The following GC variants were observed in gnomAD, a reference collection of about 807,000 sequenced individuals.
The protein encoded by GC is vitamin D-binding protein.
Under a neutral mutation model 56.7 loss-of-function variants are expected in GC, and 43 were observed. That is an observed-to-expected ratio of 0.76 (90% CI 0.59 to 0.98). The LOEUF is 0.98. GC is among the 50% of genes least tolerant of loss of function. The pLI, the probability that GC is intolerant of heterozygous loss-of-function variation, is 0.00. For missense variants in GC, 529 were observed against 545.9 expected (o/e 0.97, Z 0.31); for synonymous variants, 216 against 202.7 (o/e 1.07, Z -0.56).
chr4:71,751,804 G>C (rs1041730208), intron 11 of GC, among the ~76,000 whole-genome samples: 7 of 151,988 alleles, frequency 4.6e-5, no homozygotes, highest in Non-Finnish European at 8.8e-5. Flanking sequence ...TCAGAGTTTG[G>C]AGACAATTGA....
At chr4:71,793,074 T>C (rs930259882) in intron 1 of GC, among the ~76,000 whole-genome samples, 2 of 152,188 alleles carry the variant, frequency 1.3e-5, no homozygotes, top group Non-Finnish European at 2.9e-5. Context: ...CCTTGTAGCA[T>C]AGTTTGAAGT....
At chr4:71,775,583 T>C (rs2149304317) in intron 1 of GC, among the ~76,000 whole-genome samples, 1 of 152,004 alleles carries the variant, frequency 6.6e-6, no homozygotes, top group Non-Finnish European at 1.5e-5. Context: ...CTCCATGATG[T>C]TGGTCTAGGC....
intron 9 of GC, 99 bp downstream of exon 9, chr4:71,754,879 G>A (rs952603226): frequency 2.8e-6 from 2 of 702,096 alleles, no homozygotes; most frequent in African/African-American, 3.7e-5. Context: ...TTAGTTTGTA[G>A]GCCATAAAAA....
In GC at chr4:71,741,840, G is replaced by C; in HGVS notation, c.*56C>G. On this transcript the variant is annotated 3_prime_UTR_variant, in exon 13 of 13. Transcript: ENST00000273951. ...GTTTTGCTTAGGTTAGGTCATCAGA[G>C]ATCATTCCCCTGGGTGGCTCCAACT... 1.4e-6 allele frequency: 1 copy of C among 702,946 alleles called. No individual in the cohort carries two copies. Among genetic ancestry groups the C allele is most frequent in the Non-Finnish European group, 2.6e-6 (1 of 384,956 alleles). The allele number at this position is 702,946 out of a possible 1,614,324, so 43.5% of individuals were successfully genotyped here. A position where few individuals can be genotyped will look rare whatever the true frequency, so the allele number is the denominator to read the frequency against.
At chr4:71,750,647 G>A (rs1434623984) in intron 11 of GC, among the ~76,000 whole-genome samples, 1 of 152,134 alleles carries the variant, frequency 6.6e-6, no homozygotes, top group African/African-American at 2.4e-5. Flanking sequence ...CACTTTGGGA[G>A]GCTGAGGCGG....
At chr4:71,802,928 G>A (rs1486549155) in intron 1 of GC, among the ~76,000 whole-genome samples, 2 of 152,156 alleles carry the variant, frequency 1.3e-5, no homozygotes, top group Non-Finnish European at 2.9e-5. Flanking sequence ...ACACTGAAGA[G>A]CATGCTGAGT....
chr4:71,772,121 A>G (rs1343502104), intron 1 of GC, among the ~76,000 whole-genome samples: 1 of 152,168 alleles, frequency 6.6e-6, no homozygotes, highest in Non-Finnish European at 1.5e-5. Flanking sequence ...AGTACAATGT[A>G]TCCTCATCAT....
At chr4:71,803,966 TC>T in exon 1 of GC, 2 of 1,462,900 alleles carry the variant, frequency 1.4e-6, no homozygotes, top group Non-Finnish European at 1.9e-6. Context: ...GTTGGACTAG[TC>T]CAGATCATCA....
At chr4:71,748,268 T>C (rs1238751192) in intron 11 of GC, among the ~76,000 whole-genome samples, 1 of 152,142 alleles carries the variant, frequency 6.6e-6, no homozygotes, top group Non-Finnish European at 1.5e-5. Context: ...TAAAATCAAG[T>C]TATACTGAGA....
intron 3 of GC, among the ~76,000 whole-genome samples, chr4:71,767,924 T>C (rs986443853): frequency 1.3e-5 from 2 of 152,186 alleles, no homozygotes; most frequent in African/African-American, 4.8e-5. Context: ...GGGTTTTCAT[T>C]CCTGAGTTAC....
chr4:71,774,934 G>A (rs548417877), intron 1 of GC, among the ~76,000 whole-genome samples: 6 of 151,510 alleles, frequency 4.0e-5, no homozygotes, highest in South Asian at 2.1e-4. Flanking sequence ...TTATGGTATC[G>A]AAAGATTCAT....
chr4:71,801,985 C>T (rs914135815), intron 1 of GC, among the ~76,000 whole-genome samples: 17 of 151,132 alleles, frequency 1.1e-4, no homozygotes, highest in African/African-American at 3.9e-4. Context: ...TTTGAAAATG[C>T]CAGGTTAATT....
intron 1 of GC, among the ~76,000 whole-genome samples, chr4:71,797,085 T>C (rs1743124887): frequency 6.6e-6 from 1 of 152,192 alleles, no homozygotes; most frequent in Non-Finnish European, 1.5e-5. Context: ...CACCTGCCTG[T>C]ATGAGATGTC....
chr4:71,753,718 T>G (rs1741628733), intron 10 of GC, among the ~76,000 whole-genome samples: 2 of 152,246 alleles, frequency 1.3e-5, no homozygotes, highest in Non-Finnish European at 2.9e-5. Context: ...AGTTAACATT[T>G]CTATTTCTAA....
At chr4:71,787,859 T>G (rs1187418772), upstream of GC, among the ~76,000 whole-genome samples, 1 of 151,858 alleles carries the variant, frequency 6.6e-6, no homozygotes. Context: ...ATATCCAAAA[T>G]AGAAGACACT....
In GC at chr4:71,754,960, A is replaced by G. The variant is rs775348510; in HGVS notation, c.1164+18T>C. ...CCCTTGATCTATGTGCTTGATAAAG[A>G]AAATCCAACAAATATACCTTAGCAT... is the stretch of plus-strand genomic sequence containing the variant. On this transcript the variant is annotated intron_variant, in intron 9 of 12. Transcript: ENST00000273951. 1.9e-6 allele frequency: 3 copies of G among 1,540,188 alleles called. No homozygotes were observed. The highest frequency in any genetic ancestry group is 1.7e-6 in the Non-Finnish European group (2 of 1,146,036).
chr4:71,804,344 G>A (rs1485627374), upstream of GC, among the ~76,000 whole-genome samples: 1 of 152,180 alleles, frequency 6.6e-6, no homozygotes, highest in Non-Finnish European at 1.5e-5. Flanking sequence ...TGGGTAATTA[G>A]CATTATTTTT....
intron 8 of GC, among the ~76,000 whole-genome samples, chr4:71,755,642 A>C (rs948111016): frequency 1.3e-5 from 2 of 152,208 alleles, no homozygotes; most frequent in Admixed American, 6.5e-5. Context: ...TACTGAATTA[A>C]AGCTTTGCAT....
intron 11 of GC, among the ~76,000 whole-genome samples, chr4:71,747,778 T>C (rs1387412163): frequency 6.6e-6 from 1 of 152,126 alleles, no homozygotes; most frequent in African/African-American, 2.4e-5. Flanking sequence ...TTATTATTTT[T>C]TGAGATAAGA....
Sources: gnomAD v4.1 joint callset for allele counts (sites outside exome capture counted in the v4.1 genomes callset) on GRCh38, gnomAD v4.1.1 for gene constraint, MANE v1.5 for transcripts, NCBI Gene and HGNC (gene_info 2026-07-23, HGNC 2026-07-21) for gene names.